The following NRG3 variants were observed in gnomAD, a reference collection of about 807,000 sequenced individuals.
The protein encoded by NRG3 is neuregulin 3, also known as pro-neuregulin-3, membrane-bound isoform.
NRG3 carries 31 observed loss-of-function variants against 66.9 expected under a neutral mutation model. The ratio of observed to expected loss-of-function variants is 0.46; its 90% CI spans 0.35 to 0.63. The LOEUF is 0.63. NRG3 is among the 20% of genes least tolerant of loss of function. The probability of loss-of-function intolerance (pLI) is 0.00; values close to 1 mark genes in which losing one functional copy is unlikely to be tolerated. For missense variants in NRG3, 910 were observed against 878.9 expected (o/e 1.04, Z -0.45); for synonymous variants, 393 against 359.4 (o/e 1.09, Z -1.06).
At chr10:82,646,701 G>C (rs746682422) in intron 2 of NRG3, among the ~76,000 whole-genome samples, 3 of 152,148 alleles carry the variant, frequency 2.0e-5, no homozygotes, top group African/African-American at 2.4e-5. Flanking sequence ...AGACAGAAGT[G>C]TTCTTAGATG....
intron 1 of NRG3, among the ~76,000 whole-genome samples, chr10:82,168,228 C>T (rs1649956): frequency 0.84 from 128,282 of 152,058 alleles, 54,192 homozygotes; most frequent in Middle Eastern, 0.87. Flanking sequence ...TGTTTGTCAA[C>T]ATTTGGCTGT....
At chr10:82,400,850 A>G (rs1468994787) in intron 2 of NRG3, among the ~76,000 whole-genome samples, 1 of 152,072 alleles carries the variant, frequency 6.6e-6, no homozygotes, top group African/African-American at 2.4e-5. Context: ...ACTGGAATTA[A>G]CCAGCATGAG....
At chr10:82,728,226 T>A (rs946303564) in intron 2 of NRG3, among the ~76,000 whole-genome samples, 4 of 152,124 alleles carry the variant, frequency 2.6e-5, no homozygotes, top group Non-Finnish European at 2.9e-5. Flanking sequence ...GGTTTTGAAA[T>A]GTGAGGTCAT....
At chr10:82,103,821 G>A (rs563310179) in intron 1 of NRG3, among the ~76,000 whole-genome samples, 67 of 151,932 alleles carry the variant, frequency 4.4e-4, no homozygotes, top group African/African-American at 1.6e-3. Flanking sequence ...TATCATCACA[G>A]GAGTGCATTC....
chr10:82,565,382 C>G lies in NRG3; in HGVS notation c.954-173195C>G, dbSNP rs2045333670. On this transcript the variant is annotated intron_variant, in intron 2 of 8. Coordinates refer to ENST00000372141, the MANE Select transcript of NRG3 (RefSeq NM_001010848.4). ...ACACCAAAAGATTCAGTCTCTGAAA[C>G]TAGTTAATAGATAATTGGAAAAATG... Among the ~76,000 whole-genome samples, 3 of 152,062 alleles carry G rather than the reference C, an allele frequency of 2.0e-5. 1 individual carries two copies. The South Asian group carries it at 6.2e-4, about 31-fold the overall frequency.
chr10:82,499,672 A>G (rs1289336407), intron 2 of NRG3, among the ~76,000 whole-genome samples: 1 of 152,188 alleles, frequency 6.6e-6, no homozygotes, highest in Admixed American at 6.5e-5. Flanking sequence ...GGGAAGTTAT[A>G]TAAGCTGAAT....
At chr10:82,257,055 C>A (rs563395893) in intron 1 of NRG3, among the ~76,000 whole-genome samples, 76 of 152,296 alleles carry the variant, frequency 5.0e-4, no homozygotes, top group African/African-American at 1.7e-3. Flanking sequence ...ATAACAGCGA[C>A]TTCAGCTCCA....
intron 1 of NRG3, among the ~76,000 whole-genome samples, chr10:81,945,370 C>T (rs1009243023): frequency 1.3e-5 from 2 of 151,956 alleles, no homozygotes; most frequent in Admixed American, 6.6e-5. Context: ...TAGGCTGTAG[C>T]TCACTGTTAA....
intron 1 of NRG3, among the ~76,000 whole-genome samples, chr10:82,280,312 G>A (rs1313768006): frequency 6.6e-6 from 1 of 151,714 alleles, no homozygotes; most frequent in Non-Finnish European, 1.5e-5. Context: ...CTTAGGCTCA[G>A]CATATCAAGT....
At chr10:82,249,078 G>T (rs914821498) in intron 1 of NRG3, among the ~76,000 whole-genome samples, 1 of 152,174 alleles carries the variant, frequency 6.6e-6, no homozygotes, top group Non-Finnish European at 1.5e-5. Context: ...TCAAGCATAA[G>T]TCTGTCCTCT....
chr10:82,657,275 AG>A (rs2133935712), intron 2 of NRG3, among the ~76,000 whole-genome samples: 1 of 152,178 alleles, frequency 6.6e-6, no homozygotes, highest in South Asian at 2.1e-4. Context: ...CCATCAGGTA[AG>A]GGGTTTTGTT....
intron 1 of NRG3, among the ~76,000 whole-genome samples, chr10:82,205,592 T>G (rs1764073): frequency 0.74 from 112,269 of 152,002 alleles, 42,059 homozygotes; most frequent in South Asian, 0.83. Flanking sequence ...AATTCAGGGA[T>G]ATGTGAGAGG....
At chr10:82,814,846 A>C (rs2061639255) in intron 3 of NRG3, among the ~76,000 whole-genome samples, 1 of 152,188 alleles carries the variant, frequency 6.6e-6, no homozygotes, top group South Asian at 2.1e-4. Context: ...TCTGCTAAGC[A>C]CTTTATGTGA....
At chr10:82,006,189 C>T (rs1446241024) in intron 1 of NRG3, among the ~76,000 whole-genome samples, 2 of 151,924 alleles carry the variant, frequency 1.3e-5, no homozygotes, top group African/African-American at 4.8e-5. Context: ...TTTGTGATTT[C>T]CTGATTATTA....
intron 1 of NRG3, among the ~76,000 whole-genome samples, chr10:81,929,390 G>T (rs1056132369): frequency 1.3e-5 from 2 of 152,258 alleles, no homozygotes; most frequent in African/African-American, 4.8e-5. Context: ...ATCTATGAAA[G>T]ATGCAGTATG....
intron 4 of NRG3, among the ~76,000 whole-genome samples, chr10:82,908,261 A>G (rs1387199412): frequency 6.6e-6 from 1 of 152,200 alleles, no homozygotes; most frequent in African/African-American, 2.4e-5. Flanking sequence ...CAAGTTTGCA[A>G]CTGGTGCAGG....
intron 2 of NRG3, among the ~76,000 whole-genome samples, chr10:82,726,728 A>C (rs113518028): frequency 6.6e-6 from 1 of 152,180 alleles, no homozygotes; most frequent in Non-Finnish European, 1.5e-5. Flanking sequence ...ATAACTGAAA[A>C]TTTGGAAATA....
At chr10:81,951,794 A>G (rs1157999969) in intron 1 of NRG3, among the ~76,000 whole-genome samples, 3 of 152,236 alleles carry the variant, frequency 2.0e-5, no homozygotes, top group Admixed American at 6.5e-5. Context: ...AGGATTATAA[A>G]TCATGCTGCT....
chr10:82,192,393 T>C (rs1200901607), intron 1 of NRG3, among the ~76,000 whole-genome samples: 1 of 152,206 alleles, frequency 6.6e-6, no homozygotes, highest in East Asian at 1.9e-4. Flanking sequence ...CACTCAGAGC[T>C]GAAGCTGAAT....
Sources: gnomAD v4.1 joint callset for allele counts (sites outside exome capture counted in the v4.1 genomes callset) on GRCh38, gnomAD v4.1.1 for gene constraint, MANE v1.5 for transcripts, NCBI Gene and HGNC (gene_info 2026-07-23, HGNC 2026-07-21) for gene names.